ZNF66: variants seen among roughly 807,000 people sequenced by gnomAD.
ZNF66 encodes the protein putative zinc finger protein 66.
A neutral mutation model predicts 35.2 loss-of-function variants in ZNF66; 32 were observed. The observed-to-expected ratio is 0.91, with a 90% CI of 0.69 to 1.22. ZNF66 has a LOEUF of 1.22. Among genes scored for constraint, ZNF66 ranks in the 50% most tolerant of loss-of-function variants. The probability of loss-of-function intolerance (pLI) is 0.00; values close to 1 mark genes in which losing one functional copy is unlikely to be tolerated. For synonymous variants in ZNF66, 231 were observed against 181.3 expected (o/e 1.27, Z -2.20); for missense variants, 666 against 543.1 (o/e 1.23, Z -2.25).
chr19:20,803,021 G>A (rs1279931956), intron 3 of ZNF66, among the ~76,000 whole-genome samples: 1 of 151,682 alleles, frequency 6.6e-6, no homozygotes, highest in Non-Finnish European at 1.5e-5. Context: ...TGCAGCTTGT[G>A]TAATATTATT....
rs778938586 is a variant in ZNF66 at position 20,806,826 on chromosome 19, C to T, written c.1226C>T (p.Ser409Phe). The T allele has an allele frequency of 7.7e-7, 1 of 1,305,010 alleles. No individual in the cohort carries two copies. The highest frequency in any genetic ancestry group is 1.1e-6 in the Non-Finnish European group (1 of 901,322). 80.8% of individuals were successfully genotyped at this position (1,305,010 alleles called of 1,614,324 possible). A position where few individuals can be genotyped will look rare whatever the true frequency, so the allele number is the denominator to read the frequency against. Residue 409 changes from serine (S) to phenylalanine (F), a missense_variant, in exon 4 of 4, where the codon TCC becomes TTC. Transcript: ENST00000344519. ...CEECGKVFKHSSPLSKHKRIH... is the reference protein window; with the variant it reads ...CEECGKVFKHFSPLSKHKRIH... ...GAATGTGGCAAAGTGTTTAAGCACT[C>T]CTCTCCCCTTTCTAAACATAAGAGA... is the stretch of plus-strand genomic sequence containing the variant.
chr19:20,794,000 T>C, intron 3 of ZNF66, 122 bp downstream of exon 3: 1 of 533,590 alleles, frequency 1.9e-6, no homozygotes, highest in Non-Finnish European at 3.3e-6. Context: ...TGGGCAGCTG[T>C]TTTTTTTGTT....
intron 1 of ZNF66, among the ~76,000 whole-genome samples, chr19:20,779,048 C>A (rs1395583170): frequency 6.6e-6 from 1 of 152,160 alleles, no homozygotes; most frequent in Non-Finnish European, 1.5e-5. Context: ...TAGAAGGAGC[C>A]TTTATCCTGA....
chr19:20,800,448 T>A (rs1212944763), intron 3 of ZNF66, among the ~76,000 whole-genome samples: 1 of 152,206 alleles, frequency 6.6e-6, no homozygotes, highest in Admixed American at 6.5e-5. Context: ...ATGGTTTGGA[T>A]GTCCTTGTTG....
chr19:20,791,317 C>T (rs1971334727), intron 1 of ZNF66, among the ~76,000 whole-genome samples: 1 of 151,646 alleles, frequency 6.6e-6, no homozygotes, highest in Non-Finnish European at 1.5e-5. Flanking sequence ...GAACCCCGTC[C>T]CTACTAAAAA....
At chr19:20,794,575 G>A (rs1039813639) in intron 3 of ZNF66, 2 of 150,636 alleles carry the variant, frequency 1.3e-5, no homozygotes, top group African/African-American at 2.4e-5. Context: ...TTAATTCATT[G>A]ACATAAAATA....
At chr19:20,801,671 C>T (rs898716992) in intron 3 of ZNF66, among the ~76,000 whole-genome samples, 2 of 152,018 alleles carry the variant, frequency 1.3e-5, no homozygotes, top group Middle Eastern at 6.8e-3. Flanking sequence ...TAGGGTCTCA[C>T]TCTGTCAACC....
chr19:20,800,536 A>G (rs750439667), intron 3 of ZNF66, among the ~76,000 whole-genome samples: 7 of 152,102 alleles, frequency 4.6e-5, no homozygotes, highest in Non-Finnish European at 1.0e-4. Context: ...CATGAGGGTG[A>G]ATTTCTCATG....
chr19:20,798,713 CCTT>C (rs759315605), intron 3 of ZNF66, among the ~76,000 whole-genome samples: 7 of 152,162 alleles, frequency 4.6e-5, no homozygotes, highest in East Asian at 1.9e-4. Flanking sequence ...GACAGACAAA[CCTT>C]CTACTTTCTG....
chr19:20,793,327 C>CTTTTTTTTTTTTTTTTTTTTTTT (rs879637768), intron 2 of ZNF66, among the ~76,000 whole-genome samples: 13 of 74,716 alleles, frequency 1.7e-4, no homozygotes, highest in Non-Finnish European at 2.6e-4. Flanking sequence ...CTTTTCTTTT[C>CTTTTTTTTTTTTTTTTTTTTTTT]TTTTCTTTTT....
intron 3 of ZNF66, among the ~76,000 whole-genome samples, chr19:20,805,107 T>TTGTGTGTG (rs59765897): frequency 3.4e-5 from 5 of 147,926 alleles, no homozygotes; most frequent in African/African-American, 7.5e-5. Context: ...CAATTTACAT[T>TTGTGTGTG]TGTGTGTGTG....
rs1389148945 is a variant in ZNF66 at position 20,809,630 on chromosome 19, T to G, written c.*2308T>G. The stretch of plus-strand genomic sequence containing the variant: ...AAATACTTTACAGACAAGCAAATGC[T>G]GAGAGATTTTGTCACCACCAGGCCT... On this transcript the variant is annotated 3_prime_UTR_variant, in exon 4 of 4. Coordinates refer to ENST00000344519, the MANE Select transcript of ZNF66 (RefSeq NM_001355197.2). Among the ~76,000 whole-genome samples the G allele has an allele frequency of 2.0e-5, 3 of 151,840 alleles. No homozygotes were observed. Among genetic ancestry groups the G allele is most frequent in the East Asian group, 1.9e-4 (1 of 5,174 alleles).
chr19:20,807,929 C>T lies in ZNF66; in HGVS notation c.*607C>T, dbSNP rs879533793. 2.6e-4 allele frequency among the ~76,000 whole-genome samples: 40 copies of T among 152,174 alleles called. No individual in the cohort carries two copies. Among genetic ancestry groups the T allele is most frequent in the Non-Finnish European group, 5.1e-4 (35 of 68,042 alleles). ...GCGAGGCATTGCCTCACTCACGAAG[C>T]GCAAGGAGTCAGGGAGTTCCCTTTC... On this transcript the variant is annotated 3_prime_UTR_variant, in exon 4 of 4. Transcript: ENST00000344519.
At chr19:20,782,389 C>G (rs118040708) in intron 1 of ZNF66, among the ~76,000 whole-genome samples, 5,838 of 152,208 alleles carry the variant, frequency 0.038, 118 homozygotes, top group African/African-American at 0.053. Flanking sequence ...GGTATATACC[C>G]AATTTTGAGA....
At chr19:20,793,238 ACC>A (rs1971355875) in intron 2 of ZNF66, among the ~76,000 whole-genome samples, 1 of 151,584 alleles carries the variant, frequency 6.6e-6, no homozygotes, top group African/African-American at 2.4e-5. Context: ...ACTTGCCACC[ACC>A]AAGTTTTGAT....
chr19:20,777,866 G>A (rs1483257272), intron 1 of ZNF66, among the ~76,000 whole-genome samples: 1 of 151,976 alleles, frequency 6.6e-6, no homozygotes, highest in Non-Finnish European at 1.5e-5. Context: ...AAAATATAGG[G>A]AAAATCTCTC....
intron 1 of ZNF66, among the ~76,000 whole-genome samples, chr19:20,781,545 T>C (rs1599545453): frequency 1.3e-5 from 2 of 152,152 alleles, no homozygotes; most frequent in East Asian, 1.9e-4. Context: ...GTTTTACTCT[T>C]GTTGCCCAGG....
At chr19:20,779,616 G>A (rs1281369983) in intron 1 of ZNF66, among the ~76,000 whole-genome samples, 3 of 152,084 alleles carry the variant, frequency 2.0e-5, no homozygotes, top group African/African-American at 7.2e-5. Flanking sequence ...ATCACCTGAG[G>A]ACAGGTGTTT....
intron 1 of ZNF66, among the ~76,000 whole-genome samples, chr19:20,789,380 C>T (rs1462740064): frequency 1.3e-5 from 2 of 152,094 alleles, no homozygotes; most frequent in East Asian, 1.9e-4. Context: ...GCTGGTGAAT[C>T]CTGTTGCCTT....
Sources: allele counts gnomAD v4.1 joint callset (sites outside exome capture counted in the v4.1 genomes callset), GRCh38; gene constraint gnomAD v4.1.1; transcripts MANE v1.5; gene names NCBI Gene and HGNC (gene_info 2026-07-23, HGNC 2026-07-21).